MAPKAP1: variants seen among roughly 807,000 people sequenced by gnomAD.
MAPKAP1 encodes target of rapamycin complex 2 subunit MAPKAP1.
MAPKAP1 carries 20 observed loss-of-function variants against 65.7 expected under a neutral mutation model. The observed-to-expected ratio is 0.30, with a 90% confidence interval of 0.21 to 0.44. The LOEUF is 0.44. Ranked by LOEUF, MAPKAP1 falls within the 20% of genes least tolerant of loss-of-function variation. The probability of loss-of-function intolerance (pLI) is 1.00; values close to 1 mark genes in which losing one functional copy is unlikely to be tolerated. For missense variants in MAPKAP1, 423 were observed against 648.0 expected (o/e 0.65, Z 3.77); for synonymous variants, 222 against 244.3 (o/e 0.91, Z 0.85).
chr9:125,469,662 C>T (rs888391138), intron 9 of MAPKAP1, among the ~76,000 whole-genome samples: 8 of 152,094 alleles, frequency 5.3e-5, no homozygotes, highest in African/African-American at 1.9e-4. Context: ...ACTAATCGAA[C>T]GCTGGAATTT....
chr9:125,534,457 T>G (rs1347921287), intron 7 of MAPKAP1, among the ~76,000 whole-genome samples: 1 of 152,214 alleles, frequency 6.6e-6, no homozygotes, highest in Non-Finnish European at 1.5e-5. Flanking sequence ...TGCATTTAGC[T>G]CTAATGAAAG....
At chr9:125,499,342 T>G (rs1828902552) in intron 8 of MAPKAP1, among the ~76,000 whole-genome samples, 1 of 152,266 alleles carries the variant, frequency 6.6e-6, no homozygotes, top group Non-Finnish European at 1.5e-5. Context: ...TGGAAAACAA[T>G]GTAATTCTTA....
At chr9:125,547,880 C>T (rs1454542072) in intron 6 of MAPKAP1, among the ~76,000 whole-genome samples, 2 of 152,192 alleles carry the variant, frequency 1.3e-5, no homozygotes, top group Admixed American at 6.5e-5. Context: ...TCTGCCTCAA[C>T]TTAATTCACT....
At chr9:125,468,164 G>A in intron 9 of MAPKAP1, 55 bp from the exon 10 acceptor site, 1 of 1,563,712 alleles carries the variant, frequency 6.4e-7, no homozygotes, top group Non-Finnish European at 8.7e-7. Context: ...AGGTGTAAGT[G>A]ATTTCAGGGA....
intron 10 of MAPKAP1, among the ~76,000 whole-genome samples, chr9:125,460,066 T>C (rs1853425865): frequency 6.6e-6 from 1 of 152,148 alleles, no homozygotes; most frequent in African/African-American, 2.4e-5. Context: ...GAGAAATCTT[T>C]CACACAGAAT....
chr9:125,487,615 TAAAA>T (rs35665829), intron 8 of MAPKAP1, among the ~76,000 whole-genome samples: 1 of 126,832 alleles, frequency 7.9e-6, no homozygotes, highest in Non-Finnish European at 1.7e-5. Context: ...TGCCAATTAC[TAAAA>T]AAAAAAAAAA....
At chr9:125,589,245 A>G (rs1373378857) in intron 4 of MAPKAP1, among the ~76,000 whole-genome samples, 1 of 152,140 alleles carries the variant, frequency 6.6e-6, no homozygotes, top group Non-Finnish European at 1.5e-5. Context: ...TCTCTCACAC[A>G]TGTCCTGTTC....
intron 4 of MAPKAP1, among the ~76,000 whole-genome samples, chr9:125,631,602 A>G (rs1287947341): frequency 6.6e-6 from 1 of 152,208 alleles, no homozygotes; most frequent in Admixed American, 6.5e-5. Context: ...AACCACAGCC[A>G]TGGTGATTTA....
intron 5 of MAPKAP1, among the ~76,000 whole-genome samples, chr9:125,577,914 A>G (rs1365923556): frequency 1.3e-5 from 2 of 150,510 alleles, no homozygotes; most frequent in Non-Finnish European, 3.0e-5. Flanking sequence ...CCCGGCCACC[A>G]CCCCGTCTGG....
chr9:125,448,393 C>T (rs532712210), intron 10 of MAPKAP1, among the ~76,000 whole-genome samples: 2 of 152,342 alleles, frequency 1.3e-5, no homozygotes, highest in Non-Finnish European at 1.5e-5. Flanking sequence ...ATTTATGCCA[C>T]ATAGTAAATT....
chr9:125,704,510 C>T lies in MAPKAP1; in HGVS notation c.-70+2461G>A, dbSNP rs912753269. On this transcript the variant is annotated intron_variant, in intron 1 of 11. Transcript: ENST00000265960. The stretch of plus-strand genomic sequence containing the variant: ...ATCTCCTCTACTAGAATGTCAATAA[C>T]CTCAGGATAGGGACCCAATTTTACT... 6.6e-5 allele frequency among the ~76,000 whole-genome samples: 10 copies of T among 152,280 alleles called. No homozygotes were observed. The East Asian group carries it at 1.9e-3, about 29-fold the overall frequency.
intron 11 of MAPKAP1, among the ~76,000 whole-genome samples, chr9:125,442,376 AATG>A (rs1852521110): frequency 6.6e-6 from 1 of 152,086 alleles, no homozygotes. Context: ...GGACCTGTAA[AATG>A]ATTTCTCTGC....
intron 7 of MAPKAP1, among the ~76,000 whole-genome samples, chr9:125,510,986 T>C (rs1330391433): frequency 6.6e-6 from 1 of 152,154 alleles, no homozygotes; most frequent in Non-Finnish European, 1.5e-5. Flanking sequence ...CCAAGCAATT[T>C]TGCTGTATGA....
At chr9:125,706,944 G>A (rs1392235187) in intron 1 of MAPKAP1, 27 bp downstream of exon 1, 3 of 392,564 alleles carry the variant, frequency 7.6e-6, no homozygotes, top group East Asian at 7.2e-5. Flanking sequence ...GGACGGGCGG[G>A]GAGCTGGCGG....
At chr9:125,467,319 T>G (rs1853715308) in intron 10 of MAPKAP1, among the ~76,000 whole-genome samples, 1 of 152,220 alleles carries the variant, frequency 6.6e-6, no homozygotes, top group African/African-American at 2.4e-5. Context: ...AAGTGATTAA[T>G]CTAAATGCTA....
chr9:125,539,149 G>A lies in MAPKAP1; in HGVS notation c.958+3910C>T, dbSNP rs555350329. ...GTTAGGAGGGAGTCCACTTGACAAA[G>A]CTAACATTTTTCTTTCAAGTTCTAC... On this transcript the variant is annotated intron_variant, in intron 7 of 11. Transcript: ENST00000265960. Among the ~76,000 whole-genome samples, 30 of 152,320 alleles carry A rather than the reference G, an allele frequency of 2.0e-4. 1 individual carries two copies. The South Asian group carries it at 4.4e-3, about 22-fold the overall frequency.
At chr9:125,663,511 G>A (rs1834249244) in intron 3 of MAPKAP1, among the ~76,000 whole-genome samples, 1 of 152,024 alleles carries the variant, frequency 6.6e-6, no homozygotes, top group Non-Finnish European at 1.5e-5. Context: ...TACCCATTCT[G>A]GCACATTATG....
intron 2 of MAPKAP1, among the ~76,000 whole-genome samples, chr9:125,672,082 C>T (rs1219260878): frequency 6.6e-6 from 1 of 152,116 alleles, no homozygotes; most frequent in Admixed American, 6.6e-5. Flanking sequence ...CTCTCCTAAC[C>T]AACTTTTTCA....
intron 5 of MAPKAP1, among the ~76,000 whole-genome samples, chr9:125,578,591 A>G (rs947369005): frequency 6.6e-6 from 1 of 152,176 alleles, no homozygotes; most frequent in South Asian, 2.1e-4. Context: ...AGAGCAGGGG[A>G]AAAAAAGCTC....
Sources: gnomAD v4.1 joint callset for allele counts (sites outside exome capture counted in the v4.1 genomes callset) on GRCh38, gnomAD v4.1.1 for gene constraint, MANE v1.5 for transcripts, NCBI Gene and HGNC (gene_info 2026-07-23, HGNC 2026-07-21) for gene names.